Variants in SNTG1 observed in about 807,000 individuals in gnomAD.
SNTG1 encodes syntrophin gamma 1.
Under a neutral mutation model 74.7 loss-of-function variants are expected in SNTG1, and 39 were observed. The observed-to-expected ratio is 0.52, with a 90% CI of 0.40 to 0.68. The LOEUF is 0.68. Ranked by LOEUF, SNTG1 falls within the 30% of genes least tolerant of loss-of-function variation. The pLI, the probability that SNTG1 is intolerant of heterozygous loss-of-function variation, is 0.00. For synonymous variants in SNTG1, 254 were observed against 217.1 expected, an observed-to-expected ratio of 1.17 and a Z score of -1.49; for missense variants, 685 against 609.5, an observed-to-expected ratio of 1.12 and a Z score of -1.30.
intron 18 of SNTG1, among the ~76,000 whole-genome samples, chr8:50,790,310 T>C (rs2095687246): frequency 6.6e-6 from 1 of 152,008 alleles, no homozygotes. Flanking sequence ...AAAGAGTAGA[T>C]GCATAGGAAG....
chr8:50,499,677 T>C (rs2093934607), intron 8 of SNTG1, among the ~76,000 whole-genome samples: 2 of 151,940 alleles, frequency 1.3e-5, no homozygotes, highest in Middle Eastern at 3.4e-3. Context: ...TTTTTTTTTA[T>C]AGCTTCCCTA....
intron 1 of SNTG1, among the ~76,000 whole-genome samples, chr8:50,097,151 T>C (rs1213462634): frequency 2.0e-5 from 3 of 151,988 alleles, no homozygotes; most frequent in Non-Finnish European, 4.4e-5. Context: ...TTTGTGTTTT[T>C]AGTAGAGACG....
chr8:49,965,834 T>G (rs2129822960), intron 1 of SNTG1, among the ~76,000 whole-genome samples: 1 of 152,330 alleles, frequency 6.6e-6, no homozygotes, highest in Non-Finnish European at 1.5e-5. Flanking sequence ...TCATTTCTAC[T>G]AATTCAGTGT....
At chr8:50,173,416 A>C (rs191257112) in intron 2 of SNTG1, among the ~76,000 whole-genome samples, 2 of 152,306 alleles carry the variant, frequency 1.3e-5, no homozygotes, top group Admixed American at 1.3e-4. Context: ...GGCTTTAGTA[A>C]GATTCATCAA....
rs1819654770 is a variant in SNTG1 at position 50,052,423 on chromosome 8, T to C, written c.-102-120138T>C. ...TAATTTACACCATATAATAATTAAC[T>C]TAAAATGCATTATGCACTTAAATGG... On this transcript the variant is annotated intron_variant, in intron 1 of 18. Transcript: ENST00000642720. Among the ~76,000 whole-genome samples, 3 of 152,070 alleles carry C rather than the reference T, an allele frequency of 2.0e-5. No individual in the cohort carries two copies. In the South Asian group the frequency reaches 6.2e-4, roughly 31 times the overall value.
At chr8:50,072,910 T>C (rs1181762128) in intron 1 of SNTG1, among the ~76,000 whole-genome samples, 2 of 152,186 alleles carry the variant, frequency 1.3e-5, no homozygotes, top group African/African-American at 2.4e-5. Flanking sequence ...AAATTATTTA[T>C]AACTAAAAAA....
At chr8:50,518,711 T>C (rs1415174902) in intron 9 of SNTG1, among the ~76,000 whole-genome samples, 1 of 152,060 alleles carries the variant, frequency 6.6e-6, no homozygotes, top group East Asian at 1.9e-4. Flanking sequence ...CTAGAAGAAA[T>C]GGGTAAATTC....
intron 13 of SNTG1, among the ~76,000 whole-genome samples, chr8:50,620,251 T>C (rs2094913073): frequency 6.6e-6 from 1 of 152,202 alleles, no homozygotes; most frequent in Non-Finnish European, 1.5e-5. Flanking sequence ...TCTTTAAAAC[T>C]AGTGACGTGG....
intron 1 of SNTG1, among the ~76,000 whole-genome samples, chr8:50,006,108 G>A (rs1056743318): frequency 1.3e-5 from 2 of 151,480 alleles, no homozygotes; most frequent in African/African-American, 4.9e-5. Flanking sequence ...GATTACAGGT[G>A]CATGCCACCA....
At chr8:50,363,090 C>A (rs967787278) in intron 2 of SNTG1, among the ~76,000 whole-genome samples, 1 of 151,936 alleles carries the variant, frequency 6.6e-6, no homozygotes, top group Non-Finnish European at 1.5e-5. Flanking sequence ...ATTTTTAAGG[C>A]TAAATAATGG....
In SNTG1 at chr8:50,121,761, T is replaced by C. The variant is rs550577532; in HGVS notation, c.-102-50800T>C. ...CTGCAGTCCCAGTTACTCGGGAGGCTAAGGTTGGAGGATTGTTGGAGCCCA... is the reference window on the plus strand; with the variant it reads ...CTGCAGTCCCAGTTACTCGGGAGGCCAAGGTTGGAGGATTGTTGGAGCCCA... On this transcript the variant is annotated intron_variant, in intron 1 of 18. Transcript: ENST00000642720. Among the ~76,000 whole-genome samples the C allele has an allele frequency of 1.4e-5, 2 of 141,686 alleles. 1 individual carries two copies. Among genetic ancestry groups the C allele is most frequent in the Non-Finnish European group, 3.1e-5 (2 of 63,686 alleles). The allele number at this position is 141,686 out of a possible 152,430, so 93.0% of individuals were successfully genotyped here. A position where few individuals can be genotyped will look rare whatever the true frequency, so the allele number is the denominator to read the frequency against.
At chr8:50,001,167 A>G (rs1359203263) in intron 1 of SNTG1, among the ~76,000 whole-genome samples, 4 of 152,256 alleles carry the variant, frequency 2.6e-5, no homozygotes, top group African/African-American at 7.2e-5. Context: ...GGGGCTTAGT[A>G]TTCAGAGAAA....
At chr8:50,051,460 A>G (rs1360662180) in intron 1 of SNTG1, among the ~76,000 whole-genome samples, 3 of 152,178 alleles carry the variant, frequency 2.0e-5, no homozygotes, top group Non-Finnish European at 4.4e-5. Flanking sequence ...AAGTGCAAAC[A>G]TGTATGCATT....
chr8:50,520,017 A>G (rs531892443), intron 9 of SNTG1, among the ~76,000 whole-genome samples: 2 of 152,356 alleles, frequency 1.3e-5, no homozygotes, highest in East Asian at 1.9e-4. Flanking sequence ...AACTGGAGGC[A>G]TCATGCTACC....
intron 1 of SNTG1, among the ~76,000 whole-genome samples, chr8:50,005,754 T>C (rs1815161016): frequency 6.6e-6 from 1 of 151,914 alleles, no homozygotes. Flanking sequence ...CTGATGTGAA[T>C]ATTGCCTATT....
Position 50,740,391 on chromosome 8 carries a change from A to T in SNTG1, c.1285-11610A>T, listed in dbSNP as rs865854283. Reference sequence around the variant, plus strand: ...AAAAAAAAAAACCTCAACATCACTGATTATTAGAGAAATGCAAATCAAAAC... The same window carrying T: ...AAAAAAAAAAACCTCAACATCACTGTTTATTAGAGAAATGCAAATCAAAAC... On this transcript the variant is annotated intron_variant, in intron 17 of 18. Transcript: ENST00000642720. Among the ~76,000 whole-genome samples the T allele has an allele frequency of 2.0e-5, 3 of 151,724 alleles. No individual in the cohort carries two copies. The East Asian group carries it at 5.8e-4, about 29-fold the overall frequency.
At chr8:50,207,974 C>A (rs553511312) in intron 2 of SNTG1, among the ~76,000 whole-genome samples, 7 of 152,236 alleles carry the variant, frequency 4.6e-5, no homozygotes, top group African/African-American at 1.7e-4. Flanking sequence ...ATGAGGAGTG[C>A]TTTACTTCCA....
chr8:50,136,347 G>A (rs1294149803), intron 1 of SNTG1, among the ~76,000 whole-genome samples: 1 of 152,118 alleles, frequency 6.6e-6, no homozygotes, highest in Non-Finnish European at 1.5e-5. Context: ...TTCCATGGTG[G>A]ATGAATTAGT....
intron 8 of SNTG1, among the ~76,000 whole-genome samples, chr8:50,501,966 T>C (rs1164667279): frequency 2.0e-5 from 3 of 152,192 alleles, no homozygotes; most frequent in Admixed American, 6.5e-5. Flanking sequence ...GTGTTTGCTA[T>C]AAGTAACTCT....
Sources: gnomAD v4.1 joint callset for allele counts (sites outside exome capture counted in the v4.1 genomes callset) on GRCh38, gnomAD v4.1.1 for gene constraint, MANE v1.5 for transcripts, NCBI Gene and HGNC (gene_info 2026-07-23, HGNC 2026-07-21) for gene names.